The following FUT8 variants were observed in gnomAD, a reference collection of about 807,000 sequenced individuals.
FUT8 encodes fucosyltransferase 8.
FUT8 carries 29 observed loss-of-function variants against 71.3 expected under a neutral mutation model. The ratio of observed to expected loss-of-function variants is 0.41; its 90% CI spans 0.30 to 0.55. The LOEUF (loss-of-function observed/expected upper bound fraction) is 0.55. Among genes scored for constraint, FUT8 ranks in the 20% least tolerant of loss-of-function variants. The pLI is 0.34. For synonymous variants in FUT8, 254 were observed against 239.3 expected (o/e 1.06, Z -0.57); for missense variants, 544 against 702.1 (o/e 0.77, Z 2.55).
At chr14:65,450,938 G>A (rs1024614172) in intron 1 of FUT8, among the ~76,000 whole-genome samples, 3 of 151,220 alleles carry the variant, frequency 2.0e-5, no homozygotes, top group Non-Finnish European at 4.4e-5. Context: ...CTCACTGCAA[G>A]CTCCGCCTCC....
chr14:65,656,772 C>G (rs1334250940), intron 6 of FUT8, among the ~76,000 whole-genome samples: 1 of 152,140 alleles, frequency 6.6e-6, no homozygotes, highest in Admixed American at 6.6e-5. Flanking sequence ...TACTACAGAG[C>G]TATAGTAACC....
chr14:65,675,853 C>T lies in FUT8; in HGVS notation c.835+6373C>T, dbSNP rs535884908. ...AAAAATACAAAAAAAAAAAATCAGC[C>T]TGGCGTGGTGATGGGCACCTGTAAT... is the stretch of plus-strand genomic sequence containing the variant. On this transcript the variant is annotated intron_variant, in intron 7 of 10. Coordinates refer to ENST00000673929, the MANE Select transcript of FUT8 (RefSeq NM_001371533.1). Among the ~76,000 whole-genome samples, 37 of 151,932 alleles carry T rather than the reference C, an allele frequency of 2.4e-4. No individual in the cohort carries two copies. In the East Asian group the frequency reaches 4.7e-3, roughly 19 times the overall value.
At chr14:65,367,893 A>G in the FUT8 span, among the ~76,000 whole-genome samples, 3 of 151,878 alleles carry the variant, frequency 2.0e-5, no homozygotes, top group African/African-American at 7.3e-5. Flanking sequence ...TATCTCTCCC[A>G]ATTCTTTCTT....
At chr14:65,690,234 T>C (rs1457794867) in intron 7 of FUT8, among the ~76,000 whole-genome samples, 1 of 152,236 alleles carries the variant, frequency 6.6e-6, no homozygotes, top group Non-Finnish European at 1.5e-5. Context: ...TCCATTCATC[T>C]ATTTGTCTGT....
intron 2 of FUT8, among the ~76,000 whole-genome samples, chr14:65,528,327 T>G (rs576526497): frequency 5.8e-4 from 88 of 152,340 alleles, no homozygotes; most frequent in African/African-American, 1.7e-3. Flanking sequence ...CAAGGCTCCG[T>G]GGACATGGGA....
intron 7 of FUT8, among the ~76,000 whole-genome samples, chr14:65,699,730 C>A (rs1440287566): frequency 2.6e-5 from 4 of 152,148 alleles, no homozygotes; most frequent in Admixed American, 2.6e-4. Context: ...AGTAATCTTT[C>A]TTTTCATTTG....
intron 3 of FUT8, among the ~76,000 whole-genome samples, chr14:65,597,724 AG>A (rs1446890845): frequency 1.3e-5 from 2 of 150,236 alleles, no homozygotes; most frequent in Non-Finnish European, 1.5e-5. Context: ...TTTTTTTTGG[AG>A]GCTTGGAAAC....
Position 65,528,013 on chromosome 14 carries a change from G to A in FUT8, c.-227-33324G>A, listed in dbSNP as rs560637504. Among the ~76,000 whole-genome samples, 48 of 152,324 alleles carry A rather than the reference G, an allele frequency of 3.2e-4. 1 individual carries two copies. Among genetic ancestry groups the A allele is most frequent in the Non-Finnish European group, 6.2e-4 (42 of 68,022 alleles). On this transcript the variant is annotated intron_variant, in intron 2 of 10. Transcript: ENST00000673929. The stretch of plus-strand genomic sequence containing the variant: ...CGGGGGTCAGTGACCTACTTGAGGA[G>A]GCAGTGTGTCCGTTCTCAGATCTCC...
At chr14:65,648,834 T>C (rs1891231267) in intron 6 of FUT8, among the ~76,000 whole-genome samples, 2 of 152,328 alleles carry the variant, frequency 1.3e-5, no homozygotes, top group South Asian at 4.1e-4. Context: ...TACAATAAAG[T>C]TCTGATGGTA....
chr14:65,550,319 A>G lies in FUT8; in HGVS notation c.-227-11018A>G, dbSNP rs531027450. Among the ~76,000 whole-genome samples the G allele has an allele frequency of 6.6e-6, 1 of 152,294 alleles. No homozygotes were observed. The highest frequency in any genetic ancestry group is 2.4e-5 in the African/African-American group (1 of 41,562). ...ATAAGTTGAAAGTATCATGAGTCGCAATATGTTTAATACACCTAATCTGAA... is the reference window on the plus strand; with the variant it reads ...ATAAGTTGAAAGTATCATGAGTCGCGATATGTTTAATACACCTAATCTGAA... On this transcript the variant is annotated intron_variant, in intron 2 of 10. Coordinates refer to ENST00000673929, the MANE Select transcript of FUT8 (RefSeq NM_001371533.1). The surrounding 1 kb of genome is among the most constrained non-coding windows in gnomAD (Gnocchi z 4.5).
At position 65,467,921 on chromosome 14, in the gene FUT8, AC is replaced by A; in HGVS notation, c.-228+12205del. On this transcript the variant is annotated intron_variant, in intron 2 of 10. Coordinates refer to ENST00000673929, the MANE Select transcript of FUT8 (RefSeq NM_001371533.1). The surrounding 1 kb of genome is among the most constrained non-coding windows in gnomAD (Gnocchi z 4.1). ...GCTGGTGCTTCAGTAGAACCCGGGT[AC>A]CTTTCTCTTTGGCTTCTTTCTTTTT... 2 of 747,774 alleles carry A rather than the reference AC, an allele frequency of 2.7e-6. No homozygotes were observed. Among genetic ancestry groups the A allele is most frequent in the Non-Finnish European group, 2.5e-6 (1 of 399,580 alleles). The allele number at this position is 747,774 out of a possible 1,614,324, so 46.3% of individuals were successfully genotyped here.
At position 65,721,763 on chromosome 14, in the gene FUT8, C is replaced by T; in HGVS notation, c.836-12C>T. 1 of 1,613,634 alleles carries T rather than the reference C, an allele frequency of 6.2e-7. No homozygotes were observed. Among genetic ancestry groups the T allele is most frequent in the Non-Finnish European group, 8.5e-7 (1 of 1,179,568 alleles). On this transcript the variant is annotated splice_polypyrimidine_tract_variant and intron_variant, in intron 7 of 10. Transcript: ENST00000673929. ...ACCATGTGGTAATGATTATATGTTT[C>T]AATATTGTCAGGTGAAGTGAAGGAC... is the stretch of plus-strand genomic sequence containing the variant.
chr14:65,725,344 A>C, intron 9 of FUT8, among the ~76,000 whole-genome samples: 1 of 152,226 alleles, frequency 6.6e-6, no homozygotes, highest in Non-Finnish European at 1.5e-5. Flanking sequence ...CAATTACCCT[A>C]CAGTTGAGTA....
intron 7 of FUT8, among the ~76,000 whole-genome samples, chr14:65,675,196 A>C (rs1309191301): frequency 6.6e-6 from 1 of 151,986 alleles, no homozygotes; most frequent in East Asian, 1.9e-4. Context: ...AGGGAACTGA[A>C]GCTTTGTCCA....
rs915091505 is a variant in FUT8 at position 65,679,160 on chromosome 14, C to T, written c.835+9680C>T. Reference sequence around the variant, plus strand: ...CCCATCTTGCTGTGTTCACTGAAATCAAGTGTAGGAGTTGGGGAGTAGGTT... The same window carrying T: ...CCCATCTTGCTGTGTTCACTGAAATTAAGTGTAGGAGTTGGGGAGTAGGTT... On this transcript the variant is annotated intron_variant, in intron 7 of 10. Transcript: ENST00000673929. Among the ~76,000 whole-genome samples the T allele has an allele frequency of 3.3e-5, 5 of 152,302 alleles. No individual in the cohort carries two copies. The East Asian group carries it at 9.6e-4, about 29-fold the overall frequency.
At position 65,703,010 on chromosome 14, in the gene FUT8, G is replaced by C. The variant is rs574182278; in HGVS notation, c.836-18765G>C. Among the ~76,000 whole-genome samples the C allele has an allele frequency of 2.3e-4, 35 of 152,332 alleles. No individual in the cohort carries two copies. In the South Asian group the frequency reaches 7.3e-3, roughly 32 times the overall value. On this transcript the variant is annotated intron_variant, in intron 7 of 10. Coordinates refer to ENST00000673929, the MANE Select transcript of FUT8 (RefSeq NM_001371533.1). ...TCCATCTGCCTTGGCCTCCCAAAGTGCTGGGATTACAGACGTTAGCCACTG... is the reference window on the plus strand; with the variant it reads ...TCCATCTGCCTTGGCCTCCCAAAGTCCTGGGATTACAGACGTTAGCCACTG...
chr14:65,456,575 A>C (rs747997119), intron 2 of FUT8, among the ~76,000 whole-genome samples: 2 of 151,970 alleles, frequency 1.3e-5, no homozygotes, highest in Non-Finnish European at 2.9e-5. Context: ...ATGTGACTCT[A>C]TGTTCTTTAA....
Position 65,724,250 on chromosome 14 carries a change from A to G in FUT8, c.1186A>G (p.Arg396Gly). 6.2e-7 allele frequency: 1 copy of G among 1,613,502 alleles called. No individual in the cohort carries two copies. The highest frequency in any genetic ancestry group is 8.5e-7 in the Non-Finnish European group (1 of 1,179,764). ...VEEHFQLLAR[R>G]MQVDKKRVYL... The stretch of plus-strand genomic sequence containing the variant: ...AGAACATTTTCAGCTTCTTGCACGC[A>G]GAATGCAAGTGGACAAAAAAAGAGT... Residue 396 changes from arginine (R) to glycine (G), a missense_variant, in exon 9 of 11, where the codon AGA (arginine) becomes GGA (glycine). Arg to Gly is a moderately radical substitution (Grantham distance 125). Coordinates refer to ENST00000673929, the MANE Select transcript of FUT8 (RefSeq NM_001371533.1).
chr14:65,365,780 A>C, the FUT8 span, among the ~76,000 whole-genome samples: 1 of 151,796 alleles, frequency 6.6e-6, no homozygotes, highest in East Asian at 1.9e-4. Flanking sequence ...TAAATGGGCA[A>C]CCAGAAGCCC....
Sources: gnomAD v4.1 joint callset for allele counts (sites outside exome capture counted in the v4.1 genomes callset) on GRCh38, gnomAD v4.1.1 for gene constraint, Gnocchi (gnomAD v3.1) non-coding constraint, MANE v1.5 for transcripts, NCBI Gene and HGNC (gene_info 2026-07-23, HGNC 2026-07-21) for gene names.